The following TM2D1 variants were observed in gnomAD, a reference collection of about 807,000 sequenced individuals.
TM2D1 encodes TM2 domain containing 1.
A neutral mutation model predicts 28.4 loss-of-function variants in TM2D1; 15 were observed. That is an observed-to-expected ratio of 0.53 (90% CI 0.35 to 0.81). The LOEUF is 0.81. TM2D1 is among the 40% of genes least tolerant of loss of function. TM2D1 has a pLI of 0.01. For synonymous variants in TM2D1, 93 were observed against 96.2 expected (o/e 0.97, Z 0.20); for missense variants, 236 against 254.9 (o/e 0.93, Z 0.50).
chr1:61,717,324 T>C (rs1379820320), intron 2 of TM2D1, among the ~76,000 whole-genome samples: 1 of 150,678 alleles, frequency 6.6e-6, no homozygotes, highest in Non-Finnish European at 1.5e-5. Context: ...GCCGAGATAG[T>C]GCCACTGCAC....
chr1:61,725,135 CT>C lies in TM2D1; in HGVS notation c.-16del, dbSNP rs774760770. On this transcript the variant is annotated 5_prime_UTR_variant, in exon 1 of 7. Coordinates refer to ENST00000606498, the MANE Select transcript of TM2D1 (RefSeq NM_032027.3). ...GCGGCCGCCATCTTGGAGACCGACA[CT>C]TTCTCGCCACTTCCGCTTCCGCCTC... is the stretch of plus-strand genomic sequence containing the variant. The C allele has an allele frequency of 2.2e-5, 36 of 1,613,230 alleles. No homozygotes were observed. Among genetic ancestry groups the C allele is most frequent in the Admixed American group, 1.3e-4 (8 of 59,998 alleles).
intron 2 of TM2D1, among the ~76,000 whole-genome samples, chr1:61,713,730 TATC>T (rs1446431849): frequency 6.6e-6 from 1 of 152,138 alleles, no homozygotes; most frequent in Non-Finnish European, 1.5e-5. Flanking sequence ...TCCTGCAGAT[TATC>T]TAAAATCAGG....
chr1:61,714,354 A>C (rs1644501740), intron 2 of TM2D1, among the ~76,000 whole-genome samples: 1 of 151,872 alleles, frequency 6.6e-6, no homozygotes, highest in African/African-American at 2.4e-5. Context: ...CAGCCTGGCC[A>C]ACATGGTAAA....
rs575845420 is a variant in TM2D1, at chr1:61,692,207, A to G, written c.513+2490T>C. On this transcript the variant is annotated intron_variant, in intron 5 of 6. Transcript: ENST00000606498. ...AAAAGATAGAAAATTCCAAAGTTTA[A>G]TAACAAATAGACAAACTCATAAAAG... 1.4e-4 allele frequency among the ~76,000 whole-genome samples: 21 copies of G among 151,884 alleles called. No homozygotes were observed. In the South Asian group the frequency reaches 3.9e-3, roughly 28 times the overall value.
At chr1:61,712,474 G>T (rs1449831330) in intron 2 of TM2D1, among the ~76,000 whole-genome samples, 2 of 152,072 alleles carry the variant, frequency 1.3e-5, no homozygotes, top group Non-Finnish European at 2.9e-5. Flanking sequence ...GCCCTGGTGC[G>T]ATCTCAGCTC....
intron 3 of TM2D1, 85 bp downstream of exon 3, chr1:61,709,244 C>T: frequency 2.6e-6 from 2 of 778,464 alleles, no homozygotes; most frequent in Non-Finnish European, 4.3e-6. Context: ...CAGGATAGTC[C>T]CCATAAATTA....
At chr1:61,700,007 T>C (rs975328814) in intron 4 of TM2D1, 3 of 898,562 alleles carry the variant, frequency 3.3e-6, no homozygotes, top group South Asian at 4.0e-5. Flanking sequence ...TGCTAGCTAG[T>C]AGGCAGAGCA....
At chr1:61,712,798 T>A (rs1285781681) in intron 2 of TM2D1, among the ~76,000 whole-genome samples, 1 of 152,174 alleles carries the variant, frequency 6.6e-6, no homozygotes, top group Non-Finnish European at 1.5e-5. Flanking sequence ...TTCACAGCCA[T>A]CATGATCCAC....
At chr1:61,720,620 T>TA (rs1644556653) in intron 2 of TM2D1, among the ~76,000 whole-genome samples, 2 of 152,274 alleles carry the variant, frequency 1.3e-5, no homozygotes, top group South Asian at 4.1e-4. Context: ...GCCTGCCACG[T>TA]AATAATTTCT....
At chr1:61,691,921 T>TA (rs1316880566) in intron 5 of TM2D1, among the ~76,000 whole-genome samples, 6,135 of 61,808 alleles carry the variant, frequency 0.099, 461 homozygotes, top group East Asian at 0.29. Context: ...AAAAAAAACT[T>TA]AAAAAAAAAA....
At chr1:61,709,289 G>T in intron 3 of TM2D1, 40 bp downstream of exon 3, 4 of 1,226,980 alleles carry the variant, frequency 3.3e-6, no homozygotes, top group African/African-American at 1.5e-5. Flanking sequence ...TATAATATAG[G>T]CAAGTAATCT....
chr1:61,717,949 G>A (rs1644534921), intron 2 of TM2D1, among the ~76,000 whole-genome samples: 1 of 152,224 alleles, frequency 6.6e-6, no homozygotes, highest in East Asian at 1.9e-4. Flanking sequence ...TGAAGATGGA[G>A]GCTGCAGTGA....
chr1:61,720,418 T>C (rs12097133), intron 2 of TM2D1, among the ~76,000 whole-genome samples: 6,293 of 152,070 alleles, frequency 0.041, 445 homozygotes, highest in African/African-American at 0.14. Context: ...ATTTTTCTAT[T>C]TTTAGTAGAG....
At chr1:61,689,624 C>T (rs888976728) in intron 5 of TM2D1, among the ~76,000 whole-genome samples, 8 of 152,208 alleles carry the variant, frequency 5.3e-5, no homozygotes, top group African/African-American at 1.7e-4. Flanking sequence ...CCTCCCACCT[C>T]GGCCTCCCAA....
chr1:61,717,820 TA>T (rs908424833), intron 2 of TM2D1, among the ~76,000 whole-genome samples: 63 of 144,592 alleles, frequency 4.4e-4, no homozygotes, highest in African/African-American at 1.2e-3. Flanking sequence ...TTCATAACAA[TA>T]AAAAAAAAAG....
At chr1:61,702,430 G>A (rs1297851278) in intron 3 of TM2D1, among the ~76,000 whole-genome samples, 3 of 150,478 alleles carry the variant, frequency 2.0e-5, no homozygotes, top group South Asian at 2.1e-4. Flanking sequence ...GTGCAGTGGC[G>A]TGATCTCGGC....
intron 4 of TM2D1, chr1:61,698,649 T>A (rs951119794): frequency 6.6e-6 from 1 of 150,458 alleles, no homozygotes; most frequent in Non-Finnish European, 1.5e-5. Context: ...TAATTAGCAC[T>A]ATGAAGGAAA....
Position 61,714,242 on chromosome 1 carries a change from T to C in TM2D1, c.239-4805A>G, listed in dbSNP as rs572684515. On this transcript the variant is annotated intron_variant, in intron 2 of 6. Coordinates refer to ENST00000606498, the MANE Select transcript of TM2D1 (RefSeq NM_032027.3). ...AGTTGAAAATGCCTGGTAAAAAATA[T>C]TAAAAACTAAAGAGCCCTGGATGGG... is the stretch of plus-strand genomic sequence containing the variant. Among the ~76,000 whole-genome samples the C allele has an allele frequency of 7.3e-4, 108 of 148,790 alleles. 1 individual carries two copies. In the Middle Eastern group the frequency reaches 0.014, roughly 19 times the overall value.
chr1:61,698,194 TCA>T (rs1010407077), intron 4 of TM2D1: 6 of 152,222 alleles, frequency 3.9e-5, no homozygotes, highest in African/African-American at 2.4e-5. Flanking sequence ...CAAATATTTA[TCA>T]GAGTCTTACT....
Sources: gnomAD v4.1 joint callset for allele counts (sites outside exome capture counted in the v4.1 genomes callset) on GRCh38, gnomAD v4.1.1 for gene constraint, MANE v1.5 for transcripts, NCBI Gene and HGNC (gene_info 2026-07-23, HGNC 2026-07-21) for gene names.